MNAT1: variants seen among roughly 807,000 people sequenced by gnomAD.
The protein encoded by MNAT1 is MNAT1 component of CDK activating kinase.
A neutral mutation model predicts 42.0 loss-of-function variants in MNAT1; 43 were observed. The ratio of observed to expected loss-of-function variants is 1.02; its 90% CI spans 0.80 to 1.32. The LOEUF is 1.32. Among genes scored for constraint, MNAT1 ranks in the 40% most tolerant of loss-of-function variants. The pLI is 0.00. For synonymous variants in MNAT1, 118 were observed against 120.0 expected, an observed-to-expected ratio of 0.98 and a Z score of 0.11; for missense variants, 306 against 350.4, an observed-to-expected ratio of 0.87 and a Z score of 1.01.
rs568261513 is a variant in MNAT1 at position 60,871,313 on chromosome 14, A to G, written c.688-8401A>G. Among the ~76,000 whole-genome samples the G allele has an allele frequency of 2.0e-5, 3 of 152,294 alleles. No individual in the cohort carries two copies. In the South Asian group the frequency reaches 6.2e-4, roughly 32 times the overall value. On this transcript the variant is annotated intron_variant, in intron 6 of 7. Coordinates refer to ENST00000261245, the MANE Select transcript of MNAT1 (RefSeq NM_002431.4). Reference sequence around the variant, plus strand: ...TCCTGGGTAGATACTTATAAGTGGAATTAACTAAGTCATAAAGTAAATTTA... The same window carrying G: ...TCCTGGGTAGATACTTATAAGTGGAGTTAACTAAGTCATAAAGTAAATTTA...
rs146019844 is a variant in MNAT1 at position 60,840,826 on chromosome 14, G to A, written c.687+21979G>A. ...TTACAGGCATGTGCCACCATACCCG[G>A]CTAATTCTTTGTATTTTTAGTAGAG... is the stretch of plus-strand genomic sequence containing the variant. On this transcript the variant is annotated intron_variant, in intron 6 of 7. Transcript: ENST00000261245. Among the ~76,000 whole-genome samples the A allele has an allele frequency of 7.2e-5, 11 of 152,116 alleles. No individual in the cohort carries two copies. The East Asian group carries it at 2.1e-3, about 29-fold the overall frequency.
chr14:60,835,267 T>C (rs1400045484), intron 6 of MNAT1, among the ~76,000 whole-genome samples: 1 of 152,100 alleles, frequency 6.6e-6, no homozygotes, highest in African/African-American at 2.4e-5. Flanking sequence ...ATTAACATTG[T>C]TATGTGTGAA....
At chr14:60,743,165 G>T (rs1896520692) in intron 1 of MNAT1, among the ~76,000 whole-genome samples, 1 of 152,020 alleles carries the variant, frequency 6.6e-6, no homozygotes, top group Non-Finnish European at 1.5e-5. Flanking sequence ...CATTCTAGTG[G>T]GTATGAAGTG....
intron 6 of MNAT1, among the ~76,000 whole-genome samples, chr14:60,853,170 T>G (rs1237862064): frequency 6.6e-6 from 1 of 152,182 alleles, no homozygotes; most frequent in Non-Finnish European, 1.5e-5. Flanking sequence ...ACTCTTCCTA[T>G]CCATGAGCAT....
At chr14:60,820,011 A>T (rs2032833355) in intron 6 of MNAT1, among the ~76,000 whole-genome samples, 1 of 152,256 alleles carries the variant, frequency 6.6e-6, no homozygotes, top group African/African-American at 2.4e-5. Flanking sequence ...GTTTTTATAT[A>T]CATAAAATTC....
chr14:60,804,253 T>C (rs1443748091), intron 3 of MNAT1, among the ~76,000 whole-genome samples: 1 of 152,214 alleles, frequency 6.6e-6, no homozygotes. Flanking sequence ...GGTCAAATGA[T>C]TGTTATAGCA....
In MNAT1 at chr14:60,968,241, T is replaced by C. The variant is rs751662718; in HGVS notation, c.822T>C (p.His274=). Residue 274 remains histidine (H), a synonymous_variant, in exon 8 of 8, where the codon CAT becomes CAC. Coordinates refer to ENST00000261245, the MANE Select transcript of MNAT1 (RefSeq NM_002431.4). ...EMLGRLGYLN[H]VRAASPQDLA... Reference sequence around the variant, plus strand: ...TGTTTTGTTTTAGGTATTTAAACCATGTCAGAGCTGCCTCACCACAGGACC... The same window carrying C: ...TGTTTTGTTTTAGGTATTTAAACCACGTCAGAGCTGCCTCACCACAGGACC... 4 of 1,613,314 alleles carry C rather than the reference T, an allele frequency of 2.5e-6. No individual in the cohort carries two copies. The highest frequency in any genetic ancestry group is 1.1e-5 in the South Asian group (1 of 90,984).
intron 1 of MNAT1, among the ~76,000 whole-genome samples, chr14:60,759,175 C>T (rs890729296): frequency 5.3e-5 from 8 of 152,128 alleles, no homozygotes; most frequent in Non-Finnish European, 5.9e-5. Context: ...AGAAAGAGTT[C>T]TGTTATTAAA....
At chr14:60,833,938 T>G (rs1027128463) in intron 6 of MNAT1, among the ~76,000 whole-genome samples, 2 of 152,220 alleles carry the variant, frequency 1.3e-5, no homozygotes, top group Non-Finnish European at 2.9e-5. Flanking sequence ...ATCCATTTCT[T>G]GTAGACTTTC....
chr14:60,897,515 A>T (rs899381905), intron 7 of MNAT1, among the ~76,000 whole-genome samples: 3 of 152,128 alleles, frequency 2.0e-5, no homozygotes, highest in African/African-American at 7.2e-5. Context: ...ATGATAAAAT[A>T]TCTTTATTTA....
intron 1 of MNAT1, 113 bp from the exon 2 acceptor site, chr14:60,796,104 G>A: frequency 1.2e-6 from 1 of 849,376 alleles, no homozygotes; most frequent in South Asian, 3.7e-5. Flanking sequence ...ATTTTAAATA[G>A]AAGTGACTAG....
intron 6 of MNAT1, among the ~76,000 whole-genome samples, chr14:60,839,145 C>T (rs2033477328): frequency 6.6e-6 from 1 of 152,168 alleles, no homozygotes; most frequent in African/African-American, 2.4e-5. Flanking sequence ...AGTCTGAAGC[C>T]TGGGGCCTGG....
chr14:60,811,807 A>G (rs1488608963), intron 4 of MNAT1, among the ~76,000 whole-genome samples, 180 bp from the exon 5 acceptor site: 2 of 152,208 alleles, frequency 1.3e-5, no homozygotes, highest in Admixed American at 6.5e-5. Flanking sequence ...TTTATTTAAT[A>G]GTAACGTGTC....
chr14:60,965,957 G>A (rs1478478191), intron 7 of MNAT1, among the ~76,000 whole-genome samples: 2 of 151,942 alleles, frequency 1.3e-5, no homozygotes, highest in Admixed American at 6.6e-5. Flanking sequence ...ACCTTTCTGA[G>A]GTAACTTAAC....
At chr14:60,895,700 G>A (rs1481712718) in intron 7 of MNAT1, among the ~76,000 whole-genome samples, 1 of 152,208 alleles carries the variant, frequency 6.6e-6, no homozygotes, top group Non-Finnish European at 1.5e-5. Context: ...GGGAGGCTGA[G>A]TTGGAAGGAT....
At chr14:60,883,634 T>TA (rs2034597688) in intron 7 of MNAT1, among the ~76,000 whole-genome samples, 2 of 152,162 alleles carry the variant, frequency 1.3e-5, no homozygotes, top group Non-Finnish European at 2.9e-5. Flanking sequence ...GGTATTTTGA[T>TA]AGAGATTGCA....
chr14:60,968,193 T>G (rs749245799), intron 7 of MNAT1, 36 bp from the exon 8 acceptor site: 1 of 1,485,940 alleles, frequency 6.7e-7, no homozygotes, highest in South Asian at 1.2e-5. Flanking sequence ...TATATTTGCT[T>G]TGTATATCAA....
intron 7 of MNAT1, among the ~76,000 whole-genome samples, chr14:60,899,490 G>A (rs1315033695): frequency 6.6e-6 from 1 of 152,080 alleles, no homozygotes; most frequent in African/African-American, 2.4e-5. Flanking sequence ...TATATCATCA[G>A]TAGTGAAAAT....
chr14:60,799,296 G>T, intron 3 of MNAT1: 1 of 985,282 alleles, frequency 1.0e-6, no homozygotes, highest in Non-Finnish European at 1.2e-6. Context: ...TGAAAAGATG[G>T]TAGAATTGGG....
Sources: gnomAD v4.1 joint callset for allele counts (sites outside exome capture counted in the v4.1 genomes callset) on GRCh38, gnomAD v4.1.1 for gene constraint, MANE v1.5 for transcripts, NCBI Gene and HGNC (gene_info 2026-07-23, HGNC 2026-07-21) for gene names.